Variants in F13A1 observed in about 807,000 individuals in gnomAD.
F13A1 encodes FSF, A subunit.
A neutral mutation model predicts 80.1 loss-of-function variants in F13A1; 47 were observed. The ratio of observed to expected loss-of-function variants is 0.59; its 90% CI spans 0.46 to 0.75. F13A1 has a LOEUF of 0.75. Ranked by LOEUF, F13A1 falls within the 30% of genes least tolerant of loss-of-function variation. The pLI, the probability that F13A1 is intolerant of heterozygous loss-of-function variation, is 0.00. For synonymous variants in F13A1, 349 were observed against 344.9 expected (o/e 1.01, Z -0.13); for missense variants, 817 against 930.4 (o/e 0.88, Z 1.59).
intron 13 of F13A1, among the ~76,000 whole-genome samples, chr6:6,155,645 C>T (rs932358336): frequency 3.3e-5 from 5 of 152,020 alleles, no homozygotes; most frequent in African/African-American, 1.2e-4. Flanking sequence ...ACCCAATGCT[C>T]GACATCACTG....
chr6:6,223,377 G>A (rs1032022374), intron 7 of F13A1, among the ~76,000 whole-genome samples: 8 of 152,202 alleles, frequency 5.3e-5, no homozygotes, highest in African/African-American at 1.9e-4. Flanking sequence ...GGCATGGGGA[G>A]AACTTGGGTC....
At chr6:6,168,301 G>A (rs946207850) in intron 12 of F13A1, among the ~76,000 whole-genome samples, 2 of 152,202 alleles carry the variant, frequency 1.3e-5, no homozygotes, top group African/African-American at 4.8e-5. Context: ...CTGGGGACAA[G>A]CCAATGAGAA....
chr6:6,223,907 A>G lies in F13A1; in HGVS notation c.973+779T>C, dbSNP rs146363538. 1.7e-3 allele frequency among the ~76,000 whole-genome samples: 256 copies of G among 152,328 alleles called. 1 individual carries two copies. The highest frequency in any genetic ancestry group is 6.0e-3 in the African/African-American group (248 of 41,564). On this transcript the variant is annotated intron_variant, in intron 7 of 14. Transcript: ENST00000264870. ...ATGTTTCTCCAAGGCTGTAGAAATG[A>G]CTTGTGAATGAAAATCATTACCAGT...
chr6:6,172,545 A>G (rs1422793417), intron 12 of F13A1, among the ~76,000 whole-genome samples: 5 of 151,222 alleles, frequency 3.3e-5, no homozygotes, highest in Admixed American at 3.3e-4. Context: ...TCCTGAGTTC[A>G]GGTGATTCTC....
chr6:6,264,914 T>C (rs890250046), intron 4 of F13A1, among the ~76,000 whole-genome samples: 3 of 152,118 alleles, frequency 2.0e-5, no homozygotes, highest in African/African-American at 4.8e-5. Context: ...GATGGATGTA[T>C]AGGGAGTGTA....
chr6:6,269,653 G>A (rs900652696), intron 3 of F13A1, among the ~76,000 whole-genome samples: 1 of 151,610 alleles, frequency 6.6e-6, no homozygotes, highest in Non-Finnish European at 1.5e-5. Flanking sequence ...TAGAGCAATG[G>A]TTAGAAAACT....
At chr6:6,274,730 T>C (rs1217332879) in intron 3 of F13A1, among the ~76,000 whole-genome samples, 1 of 152,098 alleles carries the variant, frequency 6.6e-6, no homozygotes, top group East Asian at 1.9e-4. Flanking sequence ...AGGAACACAG[T>C]GTGGAAACCC....
intron 2 of F13A1, among the ~76,000 whole-genome samples, chr6:6,308,694 C>G (rs529047836): frequency 3.9e-4 from 54 of 139,730 alleles, no homozygotes; most frequent in Non-Finnish European, 6.5e-4. Context: ...CTCACTGCAA[C>G]TTCTGCCTCC....
At position 6,169,594 on chromosome 6, in the gene F13A1, T is replaced by C. The variant is rs147943560; in HGVS notation, c.1748-1976A>G. 7.7e-4 allele frequency among the ~76,000 whole-genome samples: 117 copies of C among 152,250 alleles called. No homozygotes were observed. In the Middle Eastern group the frequency reaches 0.02, roughly 27 times the overall value. On this transcript the variant is annotated intron_variant, in intron 12 of 14. Transcript: ENST00000264870. ...AAGGTTGGTCATCCTAGACTAGTAG[T>C]TGTCAATAGGAGGCAATGTTATCCC... is the stretch of plus-strand genomic sequence containing the variant.
At position 6,162,527 on chromosome 6, in the gene F13A1, G is replaced by T. The variant is rs1760593619; in HGVS notation, c.1908+4931C>A. 6.6e-6 allele frequency among the ~76,000 whole-genome samples: 1 copy of T among 152,138 alleles called. No homozygotes were observed. Among genetic ancestry groups the T allele is most frequent in the African/African-American group, 2.4e-5 (1 of 41,412 alleles). On this transcript the variant is annotated intron_variant, in intron 13 of 14. Transcript: ENST00000264870. This position sits in a 1 kb window ranked among gnomAD's most constrained non-coding sequence, Gnocchi z 4.2. ...ATGACCACCTCTGCTTTTTGTGATA[G>T]TTCCATTGTAGCCCAGCGGCTGCCA...
chr6:6,259,521 T>C lies in F13A1; in HGVS notation c.571+7037A>G, dbSNP rs979717458. On this transcript the variant is annotated intron_variant, in intron 4 of 14. Coordinates refer to ENST00000264870, the MANE Select transcript of F13A1 (RefSeq NM_000129.4). Reference sequence around the variant, plus strand: ...TGAATAAAAAGGAAATATTAGATGCTAATTTGGTGTCAGATGCTAAGAGAT... The same window carrying C: ...TGAATAAAAAGGAAATATTAGATGCCAATTTGGTGTCAGATGCTAAGAGAT... Among the ~76,000 whole-genome samples the C allele has an allele frequency of 2.6e-5, 4 of 152,150 alleles. 1 individual carries two copies.
chr6:6,153,603 G>T (rs916356469), intron 13 of F13A1, among the ~76,000 whole-genome samples: 40 of 152,156 alleles, frequency 2.6e-4, no homozygotes, highest in African/African-American at 9.4e-4. Context: ...GGATTCAGGG[G>T]AACTAGGAGA....
intron 8 of F13A1, among the ~76,000 whole-genome samples, chr6:6,205,730 G>C (rs916547265): frequency 6.7e-6 from 1 of 150,144 alleles, no homozygotes; most frequent in Non-Finnish European, 1.5e-5. Flanking sequence ...TTTTTTTAGT[G>C]TAGTACCTCC....
At chr6:6,194,077 A>G (rs1761247888) in intron 10 of F13A1, among the ~76,000 whole-genome samples, 1 of 152,040 alleles carries the variant, frequency 6.6e-6, no homozygotes, top group Admixed American at 6.5e-5. Flanking sequence ...TTTCCTCATT[A>G]TTGCCATTTG....
Position 6,224,811 on chromosome 6 carries a change from A to C in F13A1, c.848T>G (p.Ile283Ser). 1 of 1,614,094 alleles carries C rather than the reference A, an allele frequency of 6.2e-7. No homozygotes were observed. Among genetic ancestry groups the C allele is most frequent in the South Asian group, 1.1e-5 (1 of 91,080 alleles). Residue 283 changes from isoleucine (I) to serine (S), a missense_variant, in exon 7 of 15, where the codon ATC becomes AGC. Transcript: ENST00000264870. ...CGATGGGGGGACGCCATAGGCATAG[A>C]TATTGTCCCAGGATCCAACGAGGAC... ...EGVLVGSWDN[I>S]YAYGVPPSAW...
At chr6:6,289,451 C>T (rs566291106) in intron 3 of F13A1, among the ~76,000 whole-genome samples, 9 of 152,088 alleles carry the variant, frequency 5.9e-5, no homozygotes, top group African/African-American at 1.2e-4. Flanking sequence ...CACACACACA[C>T]GCACACACAC....
At chr6:6,150,735 T>C (rs908066647) in intron 14 of F13A1, among the ~76,000 whole-genome samples, 1 of 152,186 alleles carries the variant, frequency 6.6e-6, no homozygotes, top group Non-Finnish European at 1.5e-5. Flanking sequence ...GCTAGATTGA[T>C]TGATGCTGAC....
chr6:6,228,311 A>G (rs1479641996), intron 6 of F13A1, among the ~76,000 whole-genome samples: 3 of 152,244 alleles, frequency 2.0e-5, no homozygotes, highest in Admixed American at 6.5e-5. Flanking sequence ...CATGGTCCCA[A>G]CAAAACATGA....
chr6:6,202,256 C>A (rs1291869869), intron 8 of F13A1, among the ~76,000 whole-genome samples: 1 of 152,360 alleles, frequency 6.6e-6, no homozygotes, highest in East Asian at 1.9e-4. Flanking sequence ...AAAATACCAA[C>A]TGATTCCTGA....
Sources: gnomAD v4.1 joint callset for allele counts (sites outside exome capture counted in the v4.1 genomes callset) on GRCh38, gnomAD v4.1.1 for gene constraint, Gnocchi (gnomAD v3.1) non-coding constraint, MANE v1.5 for transcripts, NCBI Gene and HGNC (gene_info 2026-07-23, HGNC 2026-07-21) for gene names.